The following RAP1GDS1 variants were observed in gnomAD, a reference collection of about 807,000 sequenced individuals.
RAP1GDS1 encodes the protein RAP1, GTP-GDP dissociation stimulator 1.
A neutral mutation model predicts 71.1 loss-of-function variants in RAP1GDS1; 35 were observed. The ratio of observed to expected loss-of-function variants is 0.49; its 90% CI spans 0.38 to 0.65. RAP1GDS1 has a LOEUF of 0.65. Ranked by LOEUF, RAP1GDS1 falls within the 30% of genes least tolerant of loss-of-function variation. The pLI is 0.00. For missense variants in RAP1GDS1, 663 were observed against 706.1 expected (o/e 0.94, Z 0.69); for synonymous variants, 229 against 243.1 (o/e 0.94, Z 0.54).
chr4:98,271,945 T>A (rs1723518104), intron 1 of RAP1GDS1, among the ~76,000 whole-genome samples: 1 of 152,164 alleles, frequency 6.6e-6, no homozygotes, highest in Non-Finnish European at 1.5e-5. Context: ...TAGAATCACT[T>A]GAAGAGCTTG....
At chr4:98,325,410 T>C (rs1012948308) in intron 2 of RAP1GDS1, among the ~76,000 whole-genome samples, 1 of 151,484 alleles carries the variant, frequency 6.6e-6, no homozygotes. Flanking sequence ...GACCCAGCCA[T>C]CCCATTACTG....
intron 3 of RAP1GDS1, among the ~76,000 whole-genome samples, chr4:98,351,594 A>G (rs1737191413): frequency 6.6e-6 from 1 of 152,094 alleles, no homozygotes; most frequent in South Asian, 2.1e-4. Context: ...GAACATCCTT[A>G]TGGTGAGTTG....
At chr4:98,382,310 A>T (rs1742134187) in intron 5 of RAP1GDS1, among the ~76,000 whole-genome samples, 1 of 151,626 alleles carries the variant, frequency 6.6e-6, no homozygotes, top group Admixed American at 6.6e-5. Flanking sequence ...TATTTAAATA[A>T]CACAAAACTT....
chr4:98,434,837 T>C (rs1479351886), intron 13 of RAP1GDS1, among the ~76,000 whole-genome samples: 1 of 152,092 alleles, frequency 6.6e-6, no homozygotes, highest in Non-Finnish European at 1.5e-5. Context: ...GTCAGGCTGG[T>C]CTTGAACTCC....
At chr4:98,391,070 T>G (rs1743572854) in intron 5 of RAP1GDS1, among the ~76,000 whole-genome samples, 1 of 152,186 alleles carries the variant, frequency 6.6e-6, no homozygotes, top group South Asian at 2.1e-4. Flanking sequence ...CATAAACATA[T>G]GATTTTTTGT....
intron 2 of RAP1GDS1, among the ~76,000 whole-genome samples, chr4:98,325,954 A>G (rs1344391005): frequency 3.3e-5 from 5 of 151,850 alleles, no homozygotes; most frequent in African/African-American, 1.2e-4. Context: ...TTGTAGTGCT[A>G]GATATATTAT....
At chr4:98,261,713 C>T in intron 1 of RAP1GDS1, 144 bp downstream of exon 1, 1 of 1,112,448 alleles carries the variant, frequency 9.0e-7, no homozygotes, top group South Asian at 1.6e-5. Context: ...CGGGGAGAGT[C>T]GGCGCACGCG....
chr4:98,302,138 A>T (rs1728661050), intron 2 of RAP1GDS1, among the ~76,000 whole-genome samples: 1 of 152,234 alleles, frequency 6.6e-6, no homozygotes, highest in African/African-American at 2.4e-5. Context: ...TTTAGCTATT[A>T]AAAATTTTCC....
intron 12 of RAP1GDS1, among the ~76,000 whole-genome samples, chr4:98,430,951 C>T (rs777605106): frequency 6.6e-6 from 1 of 152,188 alleles, no homozygotes; most frequent in Non-Finnish European, 1.5e-5. Context: ...TGCTGATGCT[C>T]TTAGGTAAAG....
intron 9 of RAP1GDS1, among the ~76,000 whole-genome samples, chr4:98,418,026 C>T (rs1292465688): frequency 1.3e-5 from 2 of 152,086 alleles, no homozygotes; most frequent in Admixed American, 6.5e-5. Flanking sequence ...TCTTACGTTC[C>T]TCATGAAATA....
intron 4 of RAP1GDS1, among the ~76,000 whole-genome samples, chr4:98,370,822 C>G (rs1482258742): frequency 6.6e-6 from 1 of 152,136 alleles, no homozygotes; most frequent in Non-Finnish European, 1.5e-5. Context: ...CCACCTGCCC[C>G]AGCCTCCCAA....
intron 7 of RAP1GDS1, among the ~76,000 whole-genome samples, chr4:98,413,659 GAAT>G (rs1158430621): frequency 6.6e-6 from 1 of 151,800 alleles, no homozygotes; most frequent in Non-Finnish European, 1.5e-5. Flanking sequence ...TTGCTATTGT[GAAT>G]AATGCCGCAA....
chr4:98,401,495 C>T (rs981449082), intron 6 of RAP1GDS1, among the ~76,000 whole-genome samples: 2 of 151,936 alleles, frequency 1.3e-5, no homozygotes, highest in African/African-American at 4.8e-5. Context: ...TTAGATAATA[C>T]GTAAGTAAAC....
chr4:98,297,501 C>T (rs116685173), intron 2 of RAP1GDS1, among the ~76,000 whole-genome samples: 1,597 of 152,266 alleles, frequency 0.01, 28 homozygotes, highest in African/African-American at 0.037. Context: ...ATTCTTGCAA[C>T]ATTTCAGACA....
intron 3 of RAP1GDS1, among the ~76,000 whole-genome samples, chr4:98,348,321 A>G (rs1736614988): frequency 6.6e-6 from 1 of 152,162 alleles, no homozygotes; most frequent in Admixed American, 6.5e-5. Flanking sequence ...GCTGCATAAT[A>G]TTCCATGGTG....
intron 1 of RAP1GDS1, among the ~76,000 whole-genome samples, chr4:98,283,518 A>T (rs900022734): frequency 8.5e-5 from 13 of 152,168 alleles, no homozygotes; most frequent in African/African-American, 1.2e-4. Flanking sequence ...GAAATGCTTA[A>T]ACTCTAGTAG....
chr4:98,346,734 C>T (rs767895759), intron 3 of RAP1GDS1, among the ~76,000 whole-genome samples: 9 of 151,972 alleles, frequency 5.9e-5, no homozygotes, highest in African/African-American at 1.5e-4. Flanking sequence ...TTAGTAGAGA[C>T]GGGGTTTCAC....
rs564659539 is a variant in RAP1GDS1 at position 98,290,268 on chromosome 4, A to T, written c.5-3140A>T. 4.6e-5 allele frequency among the ~76,000 whole-genome samples: 7 copies of T among 152,216 alleles called. No homozygotes were observed. In the South Asian group the frequency reaches 6.2e-4, roughly 14 times the overall value. On this transcript the variant is annotated intron_variant, in intron 1 of 14. Transcript: ENST00000408927. ...CTGAATAATATTGTGAGGAAGATAA[A>T]CTGAAAAATGCCACCACAAATAACA...
intron 2 of RAP1GDS1, among the ~76,000 whole-genome samples, chr4:98,311,668 G>C (rs1449681470): frequency 6.6e-6 from 1 of 152,178 alleles, no homozygotes; most frequent in Admixed American, 6.5e-5. Flanking sequence ...ACAGGGTTTT[G>C]CTTTGTCACC....
Sources: allele counts gnomAD v4.1 joint callset (sites outside exome capture counted in the v4.1 genomes callset), GRCh38; gene constraint gnomAD v4.1.1; transcripts MANE v1.5; gene names NCBI Gene and HGNC (gene_info 2026-07-23, HGNC 2026-07-21).